The following STXBP5L variants were observed in gnomAD, a reference collection of about 807,000 sequenced individuals.
STXBP5L encodes syntaxin binding protein 5L.
STXBP5L carries 65 observed loss-of-function variants against 144.5 expected under a neutral mutation model. The ratio of observed to expected loss-of-function variants is 0.45; its 90% CI spans 0.37 to 0.55. The LOEUF (loss-of-function observed/expected upper bound fraction) is 0.55. Among genes scored for constraint, STXBP5L ranks in the 20% least tolerant of loss-of-function variants. The probability of loss-of-function intolerance (pLI) is 0.00; values close to 1 mark genes in which losing one functional copy is unlikely to be tolerated. For missense variants in STXBP5L, 1,298 were observed against 1,405.5 expected (o/e 0.92, Z 1.22); for synonymous variants, 505 against 469.6 (o/e 1.08, Z -0.97).
intron 9 of STXBP5L, among the ~76,000 whole-genome samples, chr3:121,188,458 G>A (rs891211121): frequency 1.3e-5 from 2 of 150,812 alleles, no homozygotes; most frequent in Admixed American, 6.6e-5. Flanking sequence ...ACGAAATGAA[G>A]GCAAAGCCTT....
At chr3:121,376,656 T>C (rs2046192556) in intron 20 of STXBP5L, among the ~76,000 whole-genome samples, 1 of 152,200 alleles carries the variant, frequency 6.6e-6, no homozygotes, top group Non-Finnish European at 1.5e-5. Context: ...TAGTTTGAAG[T>C]CAGGCAGCTT....
intron 7 of STXBP5L, among the ~76,000 whole-genome samples, chr3:121,131,371 T>C (rs920376697): frequency 1.3e-5 from 2 of 152,152 alleles, no homozygotes; most frequent in Admixed American, 6.5e-5. Context: ...AGTTATTAAA[T>C]TACTACTCCC....
At chr3:121,083,338 CT>C (rs2042338600) in intron 5 of STXBP5L, among the ~76,000 whole-genome samples, 1 of 151,992 alleles carries the variant, frequency 6.6e-6, no homozygotes, top group Admixed American at 6.6e-5. Context: ...AACGTTTTCC[CT>C]CTTGTATTTT....
At chr3:121,133,664 G>A (rs1240011741) in intron 7 of STXBP5L, among the ~76,000 whole-genome samples, 1 of 152,164 alleles carries the variant, frequency 6.6e-6, no homozygotes, top group Non-Finnish European at 1.5e-5. Context: ...AGGGAAGCAA[G>A]ATAGCTGTTG....
chr3:121,182,587 G>T (rs183039862), intron 9 of STXBP5L, among the ~76,000 whole-genome samples: 4 of 151,944 alleles, frequency 2.6e-5, no homozygotes, highest in Non-Finnish European at 1.5e-5. Context: ...CACATCTCAA[G>T]GAACTAGAGA....
intron 3 of STXBP5L, among the ~76,000 whole-genome samples, chr3:121,004,030 C>G (rs546940080): frequency 2.6e-5 from 4 of 152,114 alleles, no homozygotes; most frequent in East Asian, 1.9e-4. Flanking sequence ...CTTGGCAATG[C>G]AGGCTCTTTT....
intron 3 of STXBP5L, among the ~76,000 whole-genome samples, chr3:121,029,760 G>T (rs937724174): frequency 3.3e-5 from 5 of 151,602 alleles, no homozygotes; most frequent in Admixed American, 6.6e-5. Context: ...CAGAATGGGA[G>T]AATTTTTTTT....
At chr3:121,048,206 T>C (rs1947657919) in intron 5 of STXBP5L, among the ~76,000 whole-genome samples, 1 of 152,002 alleles carries the variant, frequency 6.6e-6, no homozygotes, top group Non-Finnish European at 1.5e-5. Flanking sequence ...AGGTTTCTAT[T>C]GAAAGGTCCT....
intron 5 of STXBP5L, among the ~76,000 whole-genome samples, chr3:121,049,931 T>C (rs1300708782): frequency 6.6e-6 from 1 of 152,066 alleles, no homozygotes; most frequent in East Asian, 1.9e-4. Flanking sequence ...TCATGAGAAA[T>C]CTCCTGATCC....
chr3:121,343,371 C>A (rs945527688), intron 20 of STXBP5L, among the ~76,000 whole-genome samples: 2 of 152,030 alleles, frequency 1.3e-5, no homozygotes, highest in African/African-American at 4.8e-5. Flanking sequence ...CACTCCTATT[C>A]AACATAGTGT....
intron 20 of STXBP5L, among the ~76,000 whole-genome samples, chr3:121,327,041 C>T (rs562080827): frequency 6.6e-6 from 1 of 152,046 alleles, no homozygotes; most frequent in Non-Finnish European, 1.5e-5. Context: ...TAACCTGTTC[C>T]TAAAATTTTA....
At chr3:121,328,822 GTGTC>G (rs1430788612) in intron 20 of STXBP5L, among the ~76,000 whole-genome samples, 4 of 152,044 alleles carry the variant, frequency 2.6e-5, no homozygotes, top group Admixed American at 2.0e-4. Flanking sequence ...AAAAGCAAGA[GTGTC>G]TGTGTGGAGC....
intron 9 of STXBP5L, among the ~76,000 whole-genome samples, chr3:121,171,809 T>C (rs2046730097): frequency 6.6e-6 from 1 of 152,182 alleles, no homozygotes. Flanking sequence ...GCTATCCCCA[T>C]CAAGCTACCA....
chr3:121,081,264 A>T (rs1411221628), intron 5 of STXBP5L, among the ~76,000 whole-genome samples: 6 of 152,006 alleles, frequency 3.9e-5, no homozygotes, highest in South Asian at 2.1e-4. Context: ...CTGTATTTTT[A>T]AAAAATTTCT....
intron 20 of STXBP5L, 118 bp downstream of exon 20, chr3:121,318,658 T>A: frequency 1.5e-6 from 1 of 655,192 alleles, no homozygotes; most frequent in East Asian, 3.4e-5. Context: ...ATAATTCCAT[T>A]CATTAAATTT....
intron 7 of STXBP5L, among the ~76,000 whole-genome samples, chr3:121,135,125 G>A (rs1296635170): frequency 2.0e-5 from 3 of 152,160 alleles, no homozygotes; most frequent in Admixed American, 6.5e-5. Context: ...GTATCTCATT[G>A]TGGTTTTGAT....
intron 3 of STXBP5L, among the ~76,000 whole-genome samples, chr3:121,007,973 C>T (rs1944474450): frequency 6.6e-6 from 1 of 151,886 alleles, no homozygotes; most frequent in Non-Finnish European, 1.5e-5. Context: ...ACTATACTTT[C>T]CTGCTGCTAT....
At chr3:120,914,937 T>G (rs895760742) in intron 2 of STXBP5L, among the ~76,000 whole-genome samples, 1 of 152,138 alleles carries the variant, frequency 6.6e-6, no homozygotes, top group Non-Finnish European at 1.5e-5. Flanking sequence ...CTGCTTTGCT[T>G]ATCCTGAGAG....
At chr3:120,979,683 C>A (rs1941539491) in intron 3 of STXBP5L, among the ~76,000 whole-genome samples, 1 of 152,200 alleles carries the variant, frequency 6.6e-6, no homozygotes, top group South Asian at 2.1e-4. Context: ...CATATTTGGC[C>A]ATCTTGACTG....
Sources: allele counts gnomAD v4.1 joint callset (sites outside exome capture counted in the v4.1 genomes callset), GRCh38; gene constraint gnomAD v4.1.1; transcripts MANE v1.5; gene names NCBI Gene and HGNC (gene_info 2026-07-23, HGNC 2026-07-21).